The following SPIDR variants were observed in gnomAD, a reference collection of about 807,000 sequenced individuals.
SPIDR encodes scaffold protein involved in DNA repair.
A neutral mutation model predicts 104.6 loss-of-function variants in SPIDR; 93 were observed. The ratio of observed to expected loss-of-function variants is 0.89; its 90% CI spans 0.75 to 1.06. The LOEUF is 1.06. Among genes scored for constraint, SPIDR ranks in the 50% least tolerant of loss-of-function variants. The probability of loss-of-function intolerance (pLI) is 0.00; values close to 1 mark genes in which losing one functional copy is unlikely to be tolerated. For synonymous variants in SPIDR, 431 were observed against 416.9 expected (o/e 1.03, Z -0.41); for missense variants, 1,154 against 1,111.2 (o/e 1.04, Z -0.55).
At chr8:47,598,462 A>G (rs2061875490) in intron 9 of SPIDR, among the ~76,000 whole-genome samples, 1 of 152,242 alleles carries the variant, frequency 6.6e-6, no homozygotes, top group Admixed American at 6.5e-5. Flanking sequence ...GACAGCTGAT[A>G]CTACGTAAGG....
At chr8:47,507,491 C>T (rs957269993) in intron 8 of SPIDR, among the ~76,000 whole-genome samples, 1 of 152,222 alleles carries the variant, frequency 6.6e-6, no homozygotes, top group African/African-American at 2.4e-5. Context: ...CATCTGGATA[C>T]GAGCTCCTCA....
chr8:47,372,289 G>T (rs1304375555), intron 5 of SPIDR, among the ~76,000 whole-genome samples: 1 of 152,192 alleles, frequency 6.6e-6, no homozygotes, highest in Non-Finnish European at 1.5e-5. Context: ...AGTGTTTGAT[G>T]GGTGAGTAAC....
rs145601454 is a variant in SPIDR, at chr8:47,432,263, A to G, written c.878-8060A>G. Among the ~76,000 whole-genome samples the G allele has an allele frequency of 3.5e-3, 532 of 152,368 alleles. 2 individuals are homozygous for G. The highest frequency in any genetic ancestry group is 6.1e-3 in the Non-Finnish European group (412 of 68,040). On this transcript the variant is annotated intron_variant, in intron 7 of 19. Transcript: ENST00000297423. Reference sequence around the variant, plus strand: ...CATGTTAATGAAAAAATGGTACAATACAGTGAATAGATAAAACGTCATTTG... The same window carrying G: ...CATGTTAATGAAAAAATGGTACAATGCAGTGAATAGATAAAACGTCATTTG...
chr8:47,434,142 G>C (rs1053151481), intron 7 of SPIDR, among the ~76,000 whole-genome samples: 13 of 152,342 alleles, frequency 8.5e-5, no homozygotes, highest in African/African-American at 3.1e-4. Flanking sequence ...TTTGGAGTGA[G>C]TGCAGCAAGA....
rs187851285 is a variant in SPIDR, at chr8:47,509,912, A to C, written c.1097+69370A>C. ...CACATACCACTTATGCACATACCAC[A>C]CACATGCACACACACACACACGACA... On this transcript the variant is annotated intron_variant, in intron 8 of 19. Transcript: ENST00000297423. 8.3e-4 allele frequency among the ~76,000 whole-genome samples: 127 copies of C among 152,146 alleles called. 3 individuals carry two copies. The East Asian group carries it at 0.023, about 27-fold the overall frequency.
At chr8:47,547,424 T>TTTAA (rs1315399443) in intron 8 of SPIDR, 1 of 242,900 alleles carries the variant, frequency 4.1e-6, no homozygotes, top group Non-Finnish European at 8.3e-6. Flanking sequence ...TTTGTATATT[T>TTTAA]TTAATTTATT....
At chr8:47,503,962 C>T (rs936511874) in intron 8 of SPIDR, among the ~76,000 whole-genome samples, 7 of 152,136 alleles carry the variant, frequency 4.6e-5, no homozygotes, top group African/African-American at 1.2e-4. Flanking sequence ...GAATATTGGC[C>T]CCCACTCTCT....
At chr8:47,282,713 G>A (rs2038032102) in intron 2 of SPIDR, among the ~76,000 whole-genome samples, 1 of 152,176 alleles carries the variant, frequency 6.6e-6, no homozygotes, top group East Asian at 1.9e-4. Flanking sequence ...ATTCACTGGA[G>A]TAGCACTTTC....
At chr8:47,269,947 A>G (rs991691872) in intron 1 of SPIDR, among the ~76,000 whole-genome samples, 9 of 152,310 alleles carry the variant, frequency 5.9e-5, no homozygotes, top group East Asian at 1.9e-4. Flanking sequence ...TTTTGTTAAT[A>G]TATGACATTG....
At chr8:47,610,724 C>A (rs1452196556) in intron 10 of SPIDR, among the ~76,000 whole-genome samples, 1 of 152,172 alleles carries the variant, frequency 6.6e-6, no homozygotes. Context: ...GGTTGGACAC[C>A]CCCTTCCCAC....
At chr8:47,505,623 G>A (rs868251279) in intron 8 of SPIDR, among the ~76,000 whole-genome samples, 15 of 152,156 alleles carry the variant, frequency 9.9e-5, no homozygotes, top group African/African-American at 2.4e-4. Flanking sequence ...GCTCATGCTC[G>A]GTCCGCTGCG....
Position 47,735,321 on chromosome 8 carries a change from G to C in SPIDR, c.2619G>C (p.Lys873Asn), listed in dbSNP as rs769812223. ...AAGEDGSYEV[K>N]SVLGKEVGLL... ...TATCACTGCAGAGCTACGAAGTGAA[G>C]AGTGTCCTCGGAAAGGAAGTGGGGT... is the stretch of plus-strand genomic sequence containing the variant. Residue 873 changes from lysine to asparagine, a missense_variant, in exon 20 of 20, where the codon AAG (lysine) becomes AAC (asparagine). Physicochemically the swap from Lys to Asn is moderately conservative, Grantham distance 94. Transcript: ENST00000297423. 5 of 1,613,946 alleles carry C rather than the reference G, an allele frequency of 3.1e-6. No homozygotes were observed. The highest frequency in any genetic ancestry group is 4.2e-6 in the Non-Finnish European group (5 of 1,179,970).
At chr8:47,500,814 T>G (rs966087973) in intron 8 of SPIDR, among the ~76,000 whole-genome samples, 2 of 152,182 alleles carry the variant, frequency 1.3e-5, no homozygotes, top group African/African-American at 2.4e-5. Flanking sequence ...TGAATTAATT[T>G]TTATATAAGG....
At chr8:47,708,890 A>T (rs2081448471) in intron 14 of SPIDR, among the ~76,000 whole-genome samples, 1 of 152,096 alleles carries the variant, frequency 6.6e-6, no homozygotes, top group African/African-American at 2.4e-5. Flanking sequence ...GTCTGGATGT[A>T]CCACATAGTT....
intron 5 of SPIDR, among the ~76,000 whole-genome samples, chr8:47,352,596 C>T (rs569431182): frequency 3.9e-5 from 6 of 152,198 alleles, no homozygotes; most frequent in Admixed American, 3.9e-4. Context: ...TCACTCTGAA[C>T]GCTTTAGGCC....
chr8:47,528,308 T>C (rs140476758), intron 8 of SPIDR, among the ~76,000 whole-genome samples: 1 of 152,130 alleles, frequency 6.6e-6, no homozygotes, highest in African/African-American at 2.4e-5. Context: ...ATAAAAAATA[T>C]TGAAAAGTGA....
At chr8:47,680,036 ATGCGGTGCAGGTGACAGAGTCTGTG>A (rs1349407080) in intron 11 of SPIDR, among the ~76,000 whole-genome samples, 82 of 152,160 alleles carry the variant, frequency 5.4e-4, no homozygotes, top group African/African-American at 1.9e-3. Context: ...CCATTACTGT[ATGCGGTGCAGGTGACAGAGTCTGTG>A]TGCGGTGCAG....
chr8:47,347,055 A>G (rs1406701510), intron 5 of SPIDR, among the ~76,000 whole-genome samples: 2 of 152,028 alleles, frequency 1.3e-5, no homozygotes, highest in Non-Finnish European at 2.9e-5. Context: ...TAGGGTGTCG[A>G]TTTTAGATCT....
chr8:47,401,139 C>T (rs79701058), intron 6 of SPIDR, among the ~76,000 whole-genome samples: 49 of 152,248 alleles, frequency 3.2e-4, no homozygotes, highest in African/African-American at 1.1e-3. Flanking sequence ...GAGAATCTCT[C>T]GGCAGACACT....
Sources: gnomAD v4.1 joint callset for allele counts (sites outside exome capture counted in the v4.1 genomes callset) on GRCh38, gnomAD v4.1.1 for gene constraint, MANE v1.5 for transcripts, NCBI Gene and HGNC (gene_info 2026-07-23, HGNC 2026-07-21) for gene names.